CCDC73: variants seen among roughly 807,000 people sequenced by gnomAD.
The protein encoded by CCDC73 is coiled-coil domain containing 73, also known as coiled-coil domain-containing protein 73.
In CCDC73, 95 loss-of-function variants were observed where a neutral mutation model predicts 116.5. The ratio of observed to expected loss-of-function variants is 0.82; its 90% CI spans 0.69 to 0.97. The LOEUF (loss-of-function observed/expected upper bound fraction) is 0.97, where lower values mean the gene tolerates loss of function less well. CCDC73 is among the 50% of genes least tolerant of loss of function. CCDC73 has a pLI of 0.00. For missense variants in CCDC73, 1,066 were observed against 1,206.8 expected, an observed-to-expected ratio of 0.88 and a Z score of 1.73; for synonymous variants, 398 against 401.3, an observed-to-expected ratio of 0.99 and a Z score of 0.10.
chr11:32,652,610 A>G (rs901582582), intron 12 of CCDC73, among the ~76,000 whole-genome samples: 3 of 152,160 alleles, frequency 2.0e-5, no homozygotes, highest in African/African-American at 7.2e-5. Context: ...TGCACTCCCA[A>G]ATTATCAATG....
chr11:32,662,648 T>G (rs1201044882), intron 9 of CCDC73, among the ~76,000 whole-genome samples: 1 of 152,136 alleles, frequency 6.6e-6, no homozygotes, highest in East Asian at 1.9e-4. Context: ...GCCTGTTCAC[T>G]CTGATGGTAG....
chr11:32,632,275 G>C (rs1325051496), intron 14 of CCDC73, among the ~76,000 whole-genome samples: 1 of 152,108 alleles, frequency 6.6e-6, no homozygotes, highest in African/African-American at 2.4e-5. Flanking sequence ...GCCCAAGCTG[G>C]GGTGCAGTGG....
chr11:32,678,591 A>G (rs766764912), intron 7 of CCDC73, among the ~76,000 whole-genome samples: 11 of 152,100 alleles, frequency 7.2e-5, no homozygotes, highest in Non-Finnish European at 1.3e-4. Flanking sequence ...CTTTTAAAAA[A>G]TATTCACGAA....
chr11:32,763,982 C>T (rs957491159), intron 1 of CCDC73, among the ~76,000 whole-genome samples: 8 of 152,252 alleles, frequency 5.3e-5, no homozygotes, highest in East Asian at 1.9e-4. Flanking sequence ...GCTTCAGCAA[C>T]GGATTTGAGC....
At chr11:32,629,971 A>G (rs1425226471) in intron 14 of CCDC73, among the ~76,000 whole-genome samples, 1 of 148,992 alleles carries the variant, frequency 6.7e-6, no homozygotes, top group African/African-American at 2.5e-5. Flanking sequence ...CTTCAGGTTG[A>G]AGAAATATAC....
upstream of CCDC73, among the ~76,000 whole-genome samples, chr11:32,795,563 G>T (rs1850719118): frequency 6.6e-6 from 1 of 151,880 alleles, no homozygotes; most frequent in Admixed American, 6.6e-5. Context: ...CCTATTTTAA[G>T]CACCTAACTA....
intron 2 of CCDC73, among the ~76,000 whole-genome samples, chr11:32,722,892 C>A (rs537853368): frequency 1.3e-5 from 2 of 152,182 alleles, no homozygotes; most frequent in East Asian, 3.9e-4. Context: ...ACATAAGGAA[C>A]CTGAGATAGC....
chr11:32,796,704 G>A (rs1210076261), upstream of CCDC73, among the ~76,000 whole-genome samples: 1 of 152,090 alleles, frequency 6.6e-6, no homozygotes, highest in Non-Finnish European at 1.5e-5. Context: ...AATAGGATGT[G>A]ATGCCCTTAT....
chr11:32,657,085 C>A (rs936589368), intron 9 of CCDC73, among the ~76,000 whole-genome samples: 1 of 151,956 alleles, frequency 6.6e-6, no homozygotes, highest in Non-Finnish European at 1.5e-5. Flanking sequence ...AGAGAAGAAG[C>A]CAGTATATAA....
At chr11:32,648,005 C>G (rs942525979) in intron 12 of CCDC73, among the ~76,000 whole-genome samples, 10 of 152,144 alleles carry the variant, frequency 6.6e-5, no homozygotes, top group Admixed American at 1.3e-4. Context: ...AGATCCCCTT[C>G]CCCCCAAACC....
intron 2 of CCDC73, among the ~76,000 whole-genome samples, chr11:32,727,126 TA>T (rs1361690153): frequency 6.6e-6 from 1 of 152,202 alleles, no homozygotes; most frequent in African/African-American, 2.4e-5. Context: ...GCTTGTCTGA[TA>T]TTTTTTCATA....
intron 1 of CCDC73, among the ~76,000 whole-genome samples, chr11:32,762,869 C>T (rs1850404047): frequency 2.0e-5 from 3 of 152,120 alleles, no homozygotes; most frequent in Admixed American, 2.0e-4. Context: ...CCATGACACA[C>T]AGCACCTGGA....
chr11:32,752,251 A>G (rs1850292992), intron 2 of CCDC73, among the ~76,000 whole-genome samples: 1 of 152,234 alleles, frequency 6.6e-6, no homozygotes, highest in Non-Finnish European at 1.5e-5. Flanking sequence ...ACTCAAGGAC[A>G]TGAAATATGG....
rs114730482 is a variant in CCDC73 at position 32,679,705 on chromosome 11, C to T, written c.430-3684G>A. Among the ~76,000 whole-genome samples the T allele has an allele frequency of 1.6e-3, 249 of 152,190 alleles. 1 individual carries two copies. Among genetic ancestry groups the T allele is most frequent in the African/African-American group, 5.8e-3 (243 of 41,540 alleles). On this transcript the variant is annotated intron_variant, in intron 7 of 17. Transcript: ENST00000335185. Reference sequence around the variant, plus strand: ...GATTTTTGATTCTAATCAATATTTACGTAGCCTTCATTAGAATACTCTCTA... The same window carrying T: ...GATTTTTGATTCTAATCAATATTTATGTAGCCTTCATTAGAATACTCTCTA...
At chr11:32,799,570 T>C (rs1850753677), upstream of CCDC73, among the ~76,000 whole-genome samples, 1 of 152,316 alleles carries the variant, frequency 6.6e-6, no homozygotes, top group East Asian at 1.9e-4. Flanking sequence ...CCTCAGACTG[T>C]CTTAATCCAG....
Position 32,614,861 on chromosome 11 carries a change from AAGG to A in CCDC73, c.1454_1456del (p.Ser485del), listed in dbSNP as rs1283059276. The A allele has an allele frequency of 1.2e-6, 2 of 1,612,652 alleles. No homozygotes were observed. Among genetic ancestry groups the A allele is most frequent in the African/African-American group, 1.3e-5 (1 of 74,886 alleles). ...TTTATCTAAGGAGAGGGTTTTGCTT[AAGG>A]AGATTTCACTTTGATTTTCATCCTG... On this transcript the variant is annotated inframe_deletion, in exon 16 of 18. Transcript: ENST00000335185.
intron 9 of CCDC73, among the ~76,000 whole-genome samples, chr11:32,667,330 C>T (rs1023336126): frequency 8.0e-5 from 12 of 150,200 alleles, no homozygotes; most frequent in African/African-American, 2.5e-4. Context: ...GCTTCCTGGC[C>T]GCTTTGTTTA....
At chr11:32,815,091 G>A in the CCDC73 span, among the ~76,000 whole-genome samples, 2 of 152,178 alleles carry the variant, frequency 1.3e-5, no homozygotes, top group Non-Finnish European at 2.9e-5. Flanking sequence ...TGACAAAAAT[G>A]TTCCGGAATG....
chr11:32,664,089 T>C (rs1264360596), intron 9 of CCDC73, among the ~76,000 whole-genome samples: 1 of 152,210 alleles, frequency 6.6e-6, no homozygotes, highest in African/African-American at 2.4e-5. Context: ...TGCCACTATT[T>C]TATTGAGGAT....
Sources: allele counts gnomAD v4.1 joint callset (sites outside exome capture counted in the v4.1 genomes callset), GRCh38; gene constraint gnomAD v4.1.1; transcripts MANE v1.5; gene names NCBI Gene and HGNC (gene_info 2026-07-23, HGNC 2026-07-21).